The following LUC7L variants were observed in gnomAD, a reference collection of about 807,000 sequenced individuals.
LUC7L encodes LUC7 like.
LUC7L carries 29 observed loss-of-function variants against 51.1 expected under a neutral mutation model. That is an observed-to-expected ratio of 0.57 (90% CI 0.42 to 0.77). The LOEUF (loss-of-function observed/expected upper bound fraction) is 0.77. LUC7L is among the 30% of genes least tolerant of loss of function. The pLI, the probability that LUC7L is intolerant of heterozygous loss-of-function variation, is 0.00. For missense variants in LUC7L, 403 were observed against 511.9 expected, an observed-to-expected ratio of 0.79 and a Z score of 2.05; for synonymous variants, 181 against 180.7, an observed-to-expected ratio of 1.00 and a Z score of -0.01.
intron 6 of LUC7L, 147 bp downstream of exon 6, chr16:198,915 G>C: frequency 1.6e-6 from 1 of 630,914 alleles, no homozygotes; most frequent in Non-Finnish European, 2.5e-6. Context: ...CCTGACCTCA[G>C]GTGATTCGCC....
intron 6 of LUC7L, among the ~76,000 whole-genome samples, chr16:196,119 A>G (rs2049141936): frequency 6.6e-6 from 1 of 151,852 alleles, no homozygotes; most frequent in African/African-American, 2.4e-5. Context: ...AAAAAATACT[A>G]CATTAGGGCC....
intron 1 of LUC7L, chr16:228,114 A>G (rs2050175004): frequency 8.7e-7 from 1 of 1,154,980 alleles, no homozygotes; most frequent in South Asian, 1.8e-5. Context: ...AAGTAAAGGT[A>G]AAGTGGTATG....
chr16:191,348 C>T (rs1444787850), intron 7 of LUC7L, among the ~76,000 whole-genome samples: 1 of 152,188 alleles, frequency 6.6e-6, no homozygotes, highest in Non-Finnish European at 1.5e-5. Flanking sequence ...AACCAAGAGG[C>T]TGAAAAAGGC....
intron 9 of LUC7L, chr16:189,554 C>A: frequency 1.4e-6 from 2 of 1,386,638 alleles, no homozygotes; most frequent in South Asian, 1.8e-5. Context: ...ATAAGGAGAG[C>A]CTTCACTGTA....
At chr16:219,670 C>T (rs1329984788) in intron 3 of LUC7L, among the ~76,000 whole-genome samples, 2 of 151,696 alleles carry the variant, frequency 1.3e-5, no homozygotes, top group South Asian at 2.1e-4. Flanking sequence ...GTTGAGAGTT[C>T]GAGACCAGCC....
chr16:224,809 G>A (rs548427830), intron 2 of LUC7L, among the ~76,000 whole-genome samples: 101 of 152,102 alleles, frequency 6.6e-4, no homozygotes, highest in African/African-American at 2.4e-3. Flanking sequence ...TCCAGCCTAG[G>A]CAACAGAGTG....
chr16:228,293 CTT>C, intron 1 of LUC7L: 1 of 1,302,230 alleles, frequency 7.7e-7, no homozygotes, highest in Non-Finnish European at 1.0e-6. Context: ...AAAGCAAACA[CTT>C]TTTTGTTATA....
At chr16:227,482 T>G in intron 1 of LUC7L, 146 bp from the exon 2 acceptor site, 1 of 1,455,492 alleles carries the variant, frequency 6.9e-7, no homozygotes, top group South Asian at 1.4e-5. Context: ...GATCTAAAGA[T>G]ATTTACAACT....
intron 6 of LUC7L, among the ~76,000 whole-genome samples, chr16:193,881 G>A (rs1486045241): frequency 1.3e-5 from 2 of 149,286 alleles, no homozygotes; most frequent in East Asian, 2.0e-4. Context: ...TCGGCTCGCC[G>A]CAAGCTCCGC....
chr16:211,927 A>G lies in LUC7L; in HGVS notation c.256-3739T>C, dbSNP rs1228261121. 3.9e-5 allele frequency among the ~76,000 whole-genome samples: 6 copies of G among 152,342 alleles called. No individual in the cohort carries two copies. The South Asian group carries it at 1.2e-3, about 32-fold the overall frequency. ...TCACTGAGCCTGAGAAAAGCCCATG[A>G]TGTCAGTCAGAACTGTCACAGCAGA... On this transcript the variant is annotated intron_variant, in intron 3 of 9. Coordinates refer to ENST00000293872, the MANE Select transcript of LUC7L (RefSeq NM_201412.3).
At chr16:193,728 T>G (rs1418332511) in intron 6 of LUC7L, among the ~76,000 whole-genome samples, 1 of 151,808 alleles carries the variant, frequency 6.6e-6, no homozygotes, top group Admixed American at 6.6e-5. Flanking sequence ...CTCCTAACCT[T>G]GTGATATGCC....
intron 7 of LUC7L, among the ~76,000 whole-genome samples, chr16:192,274 C>G (rs1317407733): frequency 6.6e-6 from 1 of 152,132 alleles, no homozygotes; most frequent in African/African-American, 2.4e-5. Context: ...ACCTAGCTCC[C>G]CAAGGTCCTG....
At chr16:207,884 C>T (rs570438689) in intron 4 of LUC7L, among the ~76,000 whole-genome samples, 194 bp downstream of exon 4, 1 of 152,254 alleles carries the variant, frequency 6.6e-6, no homozygotes, top group East Asian at 1.9e-4. Flanking sequence ...TGGCGGGCGT[C>T]TGCAGTCCCA....
chr16:205,467 G>A (rs1001533956), intron 5 of LUC7L, among the ~76,000 whole-genome samples: 2 of 152,150 alleles, frequency 1.3e-5, no homozygotes, highest in Non-Finnish European at 2.9e-5. Flanking sequence ...ACAAGTCAAC[G>A]TAGACCCACT....
intron 9 of LUC7L, chr16:189,755 C>G (rs2048959770): frequency 9.3e-6 from 13 of 1,396,536 alleles, no homozygotes; most frequent in Non-Finnish European, 1.2e-5. Context: ...AGGCAGGGGA[C>G]AGTGCCTGTG....
At chr16:204,976 T>C (rs187541712) in intron 5 of LUC7L, among the ~76,000 whole-genome samples, 1 of 152,116 alleles carries the variant, frequency 6.6e-6, no homozygotes, top group Non-Finnish European at 1.5e-5. Flanking sequence ...AGATGATGAG[T>C]GTCACGTGGT....
rs72763690 is a variant in LUC7L at position 189,781 on chromosome 16, C to T, written c.974+187G>A. On this transcript the variant is annotated intron_variant, in intron 9 of 9. Coordinates refer to ENST00000293872, the MANE Select transcript of LUC7L (RefSeq NM_201412.3). ...AGTGCCTGTGCAGCCCATCACCTGG[C>T]GCCGTGCGAGCTCCTCCACAGCCCT... The T allele has an allele frequency of 1.2e-5, 17 of 1,416,304 alleles. No individual in the cohort carries two copies. The African/African-American group carries it at 2.2e-4, about 18-fold the overall frequency. The allele number at this position is 1,416,304 out of a possible 1,614,324, so 87.7% of individuals were successfully genotyped here.
intron 5 of LUC7L, among the ~76,000 whole-genome samples, chr16:201,823 A>G (rs1272663552): frequency 6.9e-6 from 1 of 145,520 alleles, no homozygotes; most frequent in Non-Finnish European, 1.5e-5. Context: ...TGTTCGCTGC[A>G]ACCTCCGCCT....
intron 2 of LUC7L, among the ~76,000 whole-genome samples, chr16:223,497 C>G (rs538959108): frequency 1.3e-5 from 2 of 152,092 alleles, no homozygotes; most frequent in South Asian, 2.1e-4. Context: ...TTTATTTTGA[C>G]GAAAGATTGA....
Sources: allele counts gnomAD v4.1 joint callset (sites outside exome capture counted in the v4.1 genomes callset), GRCh38; gene constraint gnomAD v4.1.1; transcripts MANE v1.5; gene names NCBI Gene and HGNC (gene_info 2026-07-23, HGNC 2026-07-21).